NCAPG: variants seen among roughly 807,000 people sequenced by gnomAD.
NCAPG encodes condensin complex subunit 3.
Under a neutral mutation model 113.1 loss-of-function variants are expected in NCAPG, and 69 were observed. The observed-to-expected ratio is 0.61, with a 90% CI of 0.50 to 0.75. NCAPG has a LOEUF of 0.75. Among genes scored for constraint, NCAPG ranks in the 30% least tolerant of loss-of-function variants. The pLI, the probability that NCAPG is intolerant of heterozygous loss-of-function variation, is 0.00. For missense variants in NCAPG, 1,058 were observed against 1,177.0 expected, an observed-to-expected ratio of 0.90 and a Z score of 1.48; for synonymous variants, 370 against 415.8, an observed-to-expected ratio of 0.89 and a Z score of 1.34.
chr4:17,818,184 T>C (rs1382071516), intron 7 of NCAPG, 96 bp downstream of exon 7: 5 of 1,356,792 alleles, frequency 3.7e-6, no homozygotes, highest in African/African-American at 1.5e-5. Context: ...ATTGTGAATA[T>C]GTTAAAAATC....
At chr4:17,828,728 A>G (rs1376610334) in intron 12 of NCAPG, among the ~76,000 whole-genome samples, 1 of 152,116 alleles carries the variant, frequency 6.6e-6, no homozygotes, top group African/African-American at 2.4e-5. Flanking sequence ...ACGTAATGAG[A>G]CTGAGACAAT....
At chr4:17,828,483 C>A in intron 12 of NCAPG, 95 bp downstream of exon 12, 1 of 618,968 alleles carries the variant, frequency 1.6e-6, no homozygotes, top group Non-Finnish European at 2.8e-6. Context: ...GAAAAGATTA[C>A]TGTCTTAAAT....
At chr4:17,826,946 T>C (rs1380898890) in intron 11 of NCAPG, among the ~76,000 whole-genome samples, 2 of 152,236 alleles carry the variant, frequency 1.3e-5, no homozygotes, top group African/African-American at 2.4e-5. Flanking sequence ...GTTGGTACTA[T>C]TATTATCTTC....
chr4:17,842,448 C>G, intron 20 of NCAPG, 69 bp downstream of exon 20: 1 of 1,289,236 alleles, frequency 7.8e-7, no homozygotes, highest in South Asian at 1.2e-5. Context: ...TAGAAAAAAA[C>G]TAATTTTCTT....
At chr4:17,835,133 C>T (rs190962377) in intron 14 of NCAPG, among the ~76,000 whole-genome samples, 1 of 152,264 alleles carries the variant, frequency 6.6e-6, no homozygotes, top group Admixed American at 6.5e-5. Context: ...TTTTGTAGCA[C>T]ACATGTAAAC....
intron 12 of NCAPG, 24 bp from the exon 13 acceptor site, chr4:17,830,973 T>C (rs1577342871): frequency 6.2e-7 from 1 of 1,601,680 alleles, no homozygotes; most frequent in South Asian, 1.1e-5. Flanking sequence ...TGAAATCATA[T>C]GGAAAATTTC....
At chr4:17,814,163 G>C (rs1721103639) in intron 3 of NCAPG, among the ~76,000 whole-genome samples, 1 of 152,158 alleles carries the variant, frequency 6.6e-6, no homozygotes. Flanking sequence ...AAAATAAACT[G>C]TCTGCTATAG....
chr4:17,835,110 C>T (rs535283820), intron 14 of NCAPG, among the ~76,000 whole-genome samples: 4 of 152,276 alleles, frequency 2.6e-5, no homozygotes, highest in African/African-American at 9.6e-5. Context: ...TTTAAGTACT[C>T]TTGAACTACT....
At chr4:17,827,196 G>A (rs983880229) in intron 11 of NCAPG, among the ~76,000 whole-genome samples, 39 of 152,216 alleles carry the variant, frequency 2.6e-4, no homozygotes, top group African/African-American at 4.8e-5. Context: ...GAATTGATGG[G>A]GAGAAGCAGG....
chr4:17,837,363 C>T, intron 15 of NCAPG, 23 bp downstream of exon 15: 1 of 1,576,160 alleles, frequency 6.3e-7, no homozygotes, highest in Non-Finnish European at 8.6e-7. Flanking sequence ...ACTGATAAAT[C>T]AAAAATCTGA....
chr4:17,840,601 T>C lies in NCAPG; in HGVS notation c.2768-6T>C. 1 of 1,432,746 alleles carries C rather than the reference T, an allele frequency of 7.0e-7. No homozygotes were observed. Among genetic ancestry groups the C allele is most frequent in the Non-Finnish European group, 9.3e-7 (1 of 1,078,306 alleles). 88.8% of individuals were successfully genotyped at this position (1,432,746 alleles called of 1,614,324 possible). A position where few individuals can be genotyped will look rare whatever the true frequency, so the allele number is the denominator to read the frequency against. On this transcript the variant is annotated splice_polypyrimidine_tract_variant and splice_region_variant and intron_variant, in intron 18 of 20. Coordinates refer to ENST00000251496, the MANE Select transcript of NCAPG (RefSeq NM_022346.5). Reference sequence around the variant, plus strand: ...ATTTATATTGTTGTATTATTCCCTTTAATAGAAAAGAATAAAGAAGTATAT... The same window carrying C: ...ATTTATATTGTTGTATTATTCCCTTCAATAGAAAAGAATAAAGAAGTATAT...
chr4:17,817,801 G>T, intron 6 of NCAPG, 138 bp from the exon 7 acceptor site: 1 of 833,392 alleles, frequency 1.2e-6, no homozygotes, highest in African/African-American at 1.8e-5. Context: ...TCCTTTTTGT[G>T]TGGATACATT....
intron 20 of NCAPG, 129 bp from the exon 21 acceptor site, chr4:17,843,173 T>TAAG: frequency 4.0e-6 from 4 of 1,001,992 alleles, no homozygotes; most frequent in Non-Finnish European, 5.8e-6. Flanking sequence ...AGTTTTAAGC[T>TAAG]AAGTCAATGG....
intron 5 of NCAPG, 51 bp downstream of exon 5, chr4:17,815,409 G>C (rs1453523630): frequency 2.2e-6 from 3 of 1,352,884 alleles, no homozygotes; most frequent in Non-Finnish European, 2.0e-6. Context: ...TTTGAGGTCA[G>C]ACTTAACAAG....
chr4:17,843,124 T>C, intron 20 of NCAPG, 178 bp from the exon 21 acceptor site: 1 of 563,874 alleles, frequency 1.8e-6, no homozygotes, highest in East Asian at 3.3e-5. Context: ...TTCACTTTGC[T>C]AGATAGCCAA....
intron 14 of NCAPG, among the ~76,000 whole-genome samples, chr4:17,835,295 T>G (rs1435891209): frequency 6.6e-6 from 1 of 152,116 alleles, no homozygotes; most frequent in Non-Finnish European, 1.5e-5. Context: ...ACCCCTCACC[T>G]GCTGGGTTCA....
In NCAPG at chr4:17,828,348, C is replaced by T; in HGVS notation, c.1724C>T (p.Thr575Ile). 1.9e-6 allele frequency: 3 copies of T among 1,607,938 alleles called. No individual in the cohort carries two copies. The highest frequency in any genetic ancestry group is 2.5e-6 in the Non-Finnish European group (3 of 1,176,708). ...CTGTTGAAGCAGATGTCCATTTCAA[C>T]AGGCTTAAGTGCAACCATGAATGGA... ...YELLKQMSIS[T>I]GLSATMNGII... The change falls in exon 12 of 21, where the codon ACA (threonine) becomes ATA (isoleucine). Residue 575 changes from threonine to isoleucine, a missense_variant. By Grantham distance (89) the Thr-to-Ile change is moderately conservative (BLOSUM62 -1). Transcript: ENST00000251496.
At chr4:17,835,869 T>C (rs1369059616) in intron 14 of NCAPG, among the ~76,000 whole-genome samples, 5 of 152,252 alleles carry the variant, frequency 3.3e-5, no homozygotes, top group Admixed American at 6.5e-5. Context: ...CATTCATCCA[T>C]TGAAGGACAG....
chr4:17,818,093 A>T lies in NCAPG; in HGVS notation c.1118+5A>T, dbSNP rs1560223490. The T allele has an allele frequency of 6.3e-6, 10 of 1,590,146 alleles. No homozygotes were observed. In the East Asian group the frequency reaches 9.1e-5, roughly 14 times the overall value. On this transcript the variant is annotated splice_donor_5th_base_variant and intron_variant, in intron 7 of 20. Coordinates refer to ENST00000251496, the MANE Select transcript of NCAPG (RefSeq NM_022346.5). Reference sequence around the variant, plus strand: ...ATATGCAGACTATTTATTGAGGTAAATTTTTTTTCTTTTAGTTTGGAGAGT... The same window carrying T: ...ATATGCAGACTATTTATTGAGGTAATTTTTTTTTCTTTTAGTTTGGAGAGT...
Sources: gnomAD v4.1 joint callset for allele counts (sites outside exome capture counted in the v4.1 genomes callset) on GRCh38, gnomAD v4.1.1 for gene constraint, MANE v1.5 for transcripts, NCBI Gene and HGNC (gene_info 2026-07-23, HGNC 2026-07-21) for gene names.